ZBTB40: variants seen among roughly 807,000 people sequenced by gnomAD.
ZBTB40 encodes the protein zinc finger and BTB domain-containing protein 40.
Under a neutral mutation model 117.5 loss-of-function variants are expected in ZBTB40, and 60 were observed. The observed-to-expected ratio is 0.51, with a 90% CI of 0.41 to 0.63. The LOEUF (loss-of-function observed/expected upper bound fraction) is 0.63. Ranked by LOEUF, ZBTB40 falls within the 30% of genes least tolerant of loss-of-function variation. The pLI, the probability that ZBTB40 is intolerant of heterozygous loss-of-function variation, is 0.00. For missense variants in ZBTB40, 1,287 were observed against 1,498.5 expected (o/e 0.86, Z 2.33); for synonymous variants, 525 against 577.1 (o/e 0.91, Z 1.29).
intron 1 of ZBTB40, among the ~76,000 whole-genome samples, chr1:22,458,665 G>A (rs980004770): frequency 2.0e-5 from 3 of 152,212 alleles, no homozygotes; most frequent in Non-Finnish European, 4.4e-5. Context: ...CTTCTGTGTA[G>A]TTGTATCACC....
chr1:22,503,417 T>C (rs1638997229), intron 5 of ZBTB40, among the ~76,000 whole-genome samples: 1 of 151,698 alleles, frequency 6.6e-6, no homozygotes, highest in South Asian at 2.1e-4. Flanking sequence ...AAAATACTTT[T>C]ATATCTGGAA....
chr1:22,436,499 T>C (rs1390330132), intron 1 of ZBTB40, among the ~76,000 whole-genome samples: 1 of 151,510 alleles, frequency 6.6e-6, no homozygotes, highest in East Asian at 1.9e-4. Flanking sequence ...GCAACAAGAG[T>C]GAAACTCCAT....
intron 5 of ZBTB40, among the ~76,000 whole-genome samples, chr1:22,503,054 T>G (rs1638985337): frequency 6.6e-6 from 1 of 152,046 alleles, no homozygotes; most frequent in Non-Finnish European, 1.5e-5. Flanking sequence ...CCTAATATCT[T>G]AATACATGTC....
At chr1:22,506,530 G>T (rs1639080081) in intron 6 of ZBTB40, among the ~76,000 whole-genome samples, 1 of 152,140 alleles carries the variant, frequency 6.6e-6, no homozygotes, top group South Asian at 2.1e-4. Context: ...AAAGCCAGAG[G>T]AGCAAATGTG....
chr1:22,456,572 A>G (rs2124382907), intron 1 of ZBTB40, among the ~76,000 whole-genome samples: 1 of 152,326 alleles, frequency 6.6e-6, no homozygotes, highest in East Asian at 1.9e-4. Context: ...AAGGTGCAGA[A>G]CCAACAATGA....
rs1278521080 is a variant in ZBTB40 at position 22,501,559 on chromosome 1, G to A, written c.899G>A (p.Arg300Lys). The A allele has an allele frequency of 1.2e-6, 2 of 1,614,176 alleles. No homozygotes were observed. The highest frequency in any genetic ancestry group is 2.2e-5 in the South Asian group (2 of 91,080). Residue 300 changes from arginine to lysine, a missense_variant, in exon 4 of 18, where the codon AGA (arginine) becomes AAA (lysine). Coordinates refer to ENST00000375647, the MANE Select transcript of ZBTB40 (RefSeq NM_014870.4). ...SAFQRILGKV[R>K]EESLDVQTVV... ...TTCCAGAGAATCCTGGGTAAAGTAA[G>A]AGAGGAAAGCCTGGATGTTCAAACT...
At chr1:22,448,553 C>A (rs1054321696), upstream of ZBTB40, among the ~76,000 whole-genome samples, 1 of 152,160 alleles carries the variant, frequency 6.6e-6, no homozygotes, top group Non-Finnish European at 1.5e-5. Context: ...GTGCAGACTG[C>A]AGTCAGACCT....
intron 1 of ZBTB40, among the ~76,000 whole-genome samples, chr1:22,479,651 T>C (rs1305594995): frequency 6.6e-6 from 1 of 152,200 alleles, no homozygotes; most frequent in Non-Finnish European, 1.5e-5. Flanking sequence ...TTCTAGAAAA[T>C]TCCTAGATAT....
At chr1:22,446,549 G>A (rs1007564204) in intron 1 of ZBTB40, among the ~76,000 whole-genome samples, 1 of 151,686 alleles carries the variant, frequency 6.6e-6, no homozygotes, top group African/African-American at 2.4e-5. Context: ...TACCTACAGA[G>A]GAGCAAAGAC....
rs1638941342 is a variant in ZBTB40 at position 22,501,653 on chromosome 1, G to A, written c.993G>A (p.Lys331=). The A allele has an allele frequency of 6.2e-7, 1 of 1,614,004 alleles. No individual in the cohort carries two copies. The part of the protein sequence containing the change: ...PAVKTALLDR[K]PEDVDTVQPK... ...TAAAAACAGCACTATTAGACAGGAAGCCAGAAGATGTAGACACAGTGCAGC... is the reference window on the plus strand; with the variant it reads ...TAAAAACAGCACTATTAGACAGGAAACCAGAAGATGTAGACACAGTGCAGC... The change falls in exon 4 of 18, where the codon AAG becomes AAA. Residue 331 remains lysine (K), a synonymous_variant. Transcript: ENST00000375647.
At chr1:22,510,606 G>A (rs1639206054) in intron 9 of ZBTB40, among the ~76,000 whole-genome samples, 3 of 152,182 alleles carry the variant, frequency 2.0e-5, no homozygotes, top group South Asian at 2.1e-4. Context: ...GAAAGAGGAC[G>A]ACGGCTTTGA....
intron 1 of ZBTB40, among the ~76,000 whole-genome samples, chr1:22,458,419 C>T (rs1641054348): frequency 6.6e-6 from 1 of 152,220 alleles, no homozygotes; most frequent in Non-Finnish European, 1.5e-5. Flanking sequence ...TCAGTGGCCA[C>T]AGGACTTCAT....
At chr1:22,447,649 G>A (rs1366635977), upstream of ZBTB40, among the ~76,000 whole-genome samples, 3 of 152,302 alleles carry the variant, frequency 2.0e-5, no homozygotes, top group African/African-American at 7.2e-5. Context: ...ACCAAGGCGA[G>A]GGATTCATAG....
chr1:22,460,301 A>G (rs1641101968), intron 1 of ZBTB40, among the ~76,000 whole-genome samples: 1 of 152,188 alleles, frequency 6.6e-6, no homozygotes, highest in Admixed American at 6.5e-5. Context: ...GTCTGCAGCC[A>G]TTGATTCACT....
At chr1:22,477,418 A>T in intron 1 of ZBTB40, among the ~76,000 whole-genome samples, 1 of 152,186 alleles carries the variant, frequency 6.6e-6, no homozygotes, top group East Asian at 1.9e-4. Flanking sequence ...TGGGAGGCCA[A>T]GGTGGGCAGA....
At chr1:22,501,385 AG>A in intron 3 of ZBTB40, 106 bp from the exon 4 acceptor site, 1 of 1,215,686 alleles carries the variant, frequency 8.2e-7, no homozygotes. Flanking sequence ...GAGCTTCAGG[AG>A]AAGCTGGCGG....
At position 22,460,451 on chromosome 1, in the gene ZBTB40, T is replaced by C. The variant is rs116427669; in HGVS notation, c.-70+8447T>C. Among the ~76,000 whole-genome samples, 1,269 of 152,338 alleles carry C rather than the reference T, an allele frequency of 8.3e-3. 10 individuals carry two copies. Among genetic ancestry groups the C allele is most frequent in the African/African-American group, 0.029 (1,201 of 41,568 alleles). Reference sequence around the variant, plus strand: ...ATGACATTTCACATCATGTTGATAATAATAGTTACCATTTATTGAACACAT... The same window carrying C: ...ATGACATTTCACATCATGTTGATAACAATAGTTACCATTTATTGAACACAT... On this transcript the variant is annotated intron_variant, in intron 1 of 17. Transcript: ENST00000375647.
intron 1 of ZBTB40, among the ~76,000 whole-genome samples, chr1:22,463,223 C>T (rs917954999): frequency 7.2e-5 from 11 of 152,280 alleles, no homozygotes; most frequent in South Asian, 2.1e-4. Context: ...AGAGCCTGCG[C>T]GCCACACCTT....
intron 5 of ZBTB40, among the ~76,000 whole-genome samples, chr1:22,502,732 C>T (rs376109981): frequency 2.3e-4 from 35 of 152,144 alleles, no homozygotes; most frequent in African/African-American, 8.2e-4. Context: ...GACGGACGGA[C>T]GGATGGACCG....
Sources: allele counts gnomAD v4.1 joint callset (sites outside exome capture counted in the v4.1 genomes callset), GRCh38; gene constraint gnomAD v4.1.1; transcripts MANE v1.5; gene names NCBI Gene and HGNC (gene_info 2026-07-23, HGNC 2026-07-21).